TTC23: variants seen among roughly 807,000 people sequenced by gnomAD.
TTC23 encodes the protein tetratricopeptide repeat protein 23.
A neutral mutation model predicts 55.1 loss-of-function variants in TTC23; 58 were observed. The observed-to-expected ratio is 1.05, with a 90% CI of 0.85 to 1.31. The LOEUF (loss-of-function observed/expected upper bound fraction) is 1.31. Among genes scored for constraint, TTC23 ranks in the 50% most tolerant of loss-of-function variants. The probability of loss-of-function intolerance (pLI) is 0.00; values close to 1 mark genes in which losing one functional copy is unlikely to be tolerated. For missense variants in TTC23, 516 were observed against 534.4 expected (o/e 0.97, Z 0.34); for synonymous variants, 203 against 199.9 (o/e 1.02, Z -0.13).
intron 5 of TTC23, among the ~76,000 whole-genome samples, chr15:99,224,900 G>A (rs1353019025): frequency 6.6e-6 from 1 of 152,156 alleles, no homozygotes; most frequent in Non-Finnish European, 1.5e-5. Context: ...TGTGTTAACT[G>A]GCTGTTTGTA....
intron 4 of TTC23, among the ~76,000 whole-genome samples, chr15:99,229,229 A>C (rs1310786443): frequency 6.6e-6 from 1 of 152,128 alleles, no homozygotes; most frequent in Non-Finnish European, 1.5e-5. Context: ...GCTGAAGCCC[A>C]ATTGACCCTG....
chr15:99,236,835 T>A (rs1304236958), intron 3 of TTC23, among the ~76,000 whole-genome samples: 2 of 152,222 alleles, frequency 1.3e-5, no homozygotes, highest in South Asian at 4.1e-4. Flanking sequence ...TTGATTATTG[T>A]CCTGTTTTTG....
At chr15:99,216,441 T>C (rs1212756008) in intron 8 of TTC23, among the ~76,000 whole-genome samples, 2 of 152,000 alleles carry the variant, frequency 1.3e-5, no homozygotes, top group South Asian at 2.1e-4. Context: ...AAGAACACCA[T>C]AGACAAAATT....
At chr15:99,204,655 T>TTTTTTTTTG (rs2076471281) in intron 8 of TTC23, among the ~76,000 whole-genome samples, 20 of 145,634 alleles carry the variant, frequency 1.4e-4, no homozygotes, top group South Asian at 2.2e-4. Context: ...TTTTTTTTTT[T>TTTTTTTTTG]AGACAGGTCT....
intron 8 of TTC23, among the ~76,000 whole-genome samples, chr15:99,204,430 G>A (rs62025689): frequency 0.17 from 26,370 of 151,662 alleles, 2,375 homozygotes; most frequent in African/African-American, 0.21. Flanking sequence ...CACATTCTGT[G>A]GATTGTTTCT....
At chr15:99,142,834 G>C (rs1014311514) in intron 12 of TTC23, among the ~76,000 whole-genome samples, 1 of 152,216 alleles carries the variant, frequency 6.6e-6, no homozygotes. Context: ...TCACTACTGT[G>C]TTCGTAGAGA....
chr15:99,225,904 C>G (rs1199336528), intron 5 of TTC23, among the ~76,000 whole-genome samples: 1 of 152,232 alleles, frequency 6.6e-6, no homozygotes, highest in Non-Finnish European at 1.5e-5. Context: ...TGTACGAAGA[C>G]AAACAGACAT....
chr15:99,141,399 G>A (rs782648938), intron 12 of TTC23, among the ~76,000 whole-genome samples: 54 of 152,104 alleles, frequency 3.6e-4, no homozygotes, highest in Non-Finnish European at 6.6e-4. Context: ...AGAAGAGCAT[G>A]GGAATGATAT....
chr15:99,217,451 C>T lies in TTC23; in HGVS notation c.581+1137G>A, dbSNP rs545089888. On this transcript the variant is annotated intron_variant, in intron 8 of 13. Coordinates refer to ENST00000394132, the MANE Select transcript of TTC23 (RefSeq NM_001288615.3). ...GGATTACAGGCATGAGCCACTGTGC[C>T]CGGCCAAATTTATACAAATTTTAAA... 3.3e-5 allele frequency among the ~76,000 whole-genome samples: 5 copies of T among 152,238 alleles called. No individual in the cohort carries two copies. The South Asian group carries it at 1.0e-3, about 32-fold the overall frequency.
intron 9 of TTC23, among the ~76,000 whole-genome samples, chr15:99,197,896 C>T (rs1012251772): frequency 6.6e-6 from 1 of 151,318 alleles, no homozygotes; most frequent in Non-Finnish European, 1.5e-5. Flanking sequence ...GAGCAAGACT[C>T]CGCTCAAACA....
intron 2 of TTC23, among the ~76,000 whole-genome samples, chr15:99,244,023 A>C (rs2080026056): frequency 6.6e-6 from 1 of 152,348 alleles, no homozygotes; most frequent in South Asian, 2.1e-4. Context: ...TTGAGGACAC[A>C]GATACCCACT....
At chr15:99,191,666 T>C (rs551472858) in intron 9 of TTC23, among the ~76,000 whole-genome samples, 16 of 152,202 alleles carry the variant, frequency 1.1e-4, no homozygotes, top group Non-Finnish European at 1.9e-4. Context: ...ATTAAAACTC[T>C]TTCTTCTGTA....
chr15:99,227,854 C>T lies in TTC23; in HGVS notation c.180+679G>A, dbSNP rs544861004. Among the ~76,000 whole-genome samples the T allele has an allele frequency of 4.6e-5, 7 of 152,326 alleles. No individual in the cohort carries two copies. The East Asian group carries it at 1.2e-3, about 25-fold the overall frequency. ...CCAGTGCAGTCTACGTAACTCCCAT[C>T]CGAAGAAAGTGTGCCTTAACTGCTG... is the stretch of plus-strand genomic sequence containing the variant. On this transcript the variant is annotated intron_variant, in intron 5 of 13. Coordinates refer to ENST00000394132, the MANE Select transcript of TTC23 (RefSeq NM_001288615.3).
At chr15:99,224,692 T>C (rs767215918) in intron 5 of TTC23, among the ~76,000 whole-genome samples, 71 of 152,232 alleles carry the variant, frequency 4.7e-4, no homozygotes, top group African/African-American at 1.2e-3. Context: ...TGAGTAGCTA[T>C]TGAAGTGCCT....
chr15:99,208,714 T>C (rs2152018937), intron 8 of TTC23, among the ~76,000 whole-genome samples: 1 of 143,260 alleles, frequency 7.0e-6, no homozygotes, highest in South Asian at 2.2e-4. Flanking sequence ...AAATAGAAAA[T>C]AAAATTACTT....
chr15:99,210,174 A>C (rs1280417826), intron 8 of TTC23, among the ~76,000 whole-genome samples: 1 of 152,088 alleles, frequency 6.6e-6, no homozygotes, highest in East Asian at 1.9e-4. Flanking sequence ...CTATTATTTA[A>C]ATCATTATTC....
intron 12 of TTC23, among the ~76,000 whole-genome samples, chr15:99,142,635 T>A (rs2068367050): frequency 1.3e-5 from 2 of 152,160 alleles, no homozygotes; most frequent in African/African-American, 4.8e-5. Flanking sequence ...TCCTACCCCT[T>A]TGGTGACTGA....
Position 99,156,258 on chromosome 15 carries a change from C to CT in TTC23, c.1032dup (p.Val345SerfsTer109), listed in dbSNP as rs770849993. 1 of 1,614,254 alleles carries CT rather than the reference C, an allele frequency of 6.2e-7. No individual in the cohort carries two copies. Among genetic ancestry groups the CT allele is most frequent in the Non-Finnish European group, 8.5e-7 (1 of 1,180,058 alleles). On this transcript the variant is annotated frameshift_variant, in exon 12 of 14. Coordinates refer to ENST00000394132, the MANE Select transcript of TTC23 (RefSeq NM_001288615.3). LOFTEE classifies it high-confidence loss of function. ...GGACTGAAATCGCCAAATGCTTCCA[C>CT]TTTGGCTTCCAGGGACTCTCTCAGG...
At chr15:99,169,882 C>T (rs2072678032) in intron 10 of TTC23, among the ~76,000 whole-genome samples, 2 of 152,214 alleles carry the variant, frequency 1.3e-5, no homozygotes, top group Admixed American at 1.3e-4. Context: ...CATCTGCTGT[C>T]ACTGAACGCT....
Sources: allele counts gnomAD v4.1 joint callset (sites outside exome capture counted in the v4.1 genomes callset), GRCh38; gene constraint gnomAD v4.1.1; transcripts MANE v1.5; gene names NCBI Gene and HGNC (gene_info 2026-07-23, HGNC 2026-07-21).